Variants in ZMAT1 observed in about 807,000 individuals in gnomAD.
ZMAT1 encodes zinc finger matrin-type 1, also known as zinc finger matrin-type protein 1.
A neutral mutation model predicts 18.5 loss-of-function variants in ZMAT1; 11 were observed. The observed-to-expected ratio is 0.59, with a 90% confidence interval of 0.37 to 0.98. The LOEUF (loss-of-function observed/expected upper bound fraction) is 0.98. ZMAT1 is among the 50% of genes least tolerant of loss of function. ZMAT1 has a pLI of 0.01. For synonymous variants in ZMAT1, 211 were observed against 176.4 expected, an observed-to-expected ratio of 1.20 and a Z score of -1.55; for missense variants, 525 against 496.2, an observed-to-expected ratio of 1.06 and a Z score of -0.55.
intron 5 of ZMAT1, among the ~76,000 whole-genome samples, 186 bp from the exon 6 acceptor site, chrX:101,885,007 G>A (rs1366200338): frequency 9.0e-6 from 1 of 111,499 alleles, no homozygotes; most frequent in African/African-American, 3.3e-5. Flanking sequence ...ACATTGGACA[G>A]TGAGAACCTA....
At chrX:101,930,379 G>A (rs1171112330) in intron 1 of ZMAT1, among the ~76,000 whole-genome samples, 1 of 112,537 alleles carries the variant, frequency 8.9e-6, no homozygotes, top group Non-Finnish European at 1.9e-5. Context: ...ACTTTAGTAA[G>A]AGAGTTGATA....
chrX:101,929,906 T>C (rs867754982), intron 1 of ZMAT1, among the ~76,000 whole-genome samples: 1 of 111,282 alleles, frequency 9.0e-6, no homozygotes, highest in Middle Eastern at 4.2e-3. Flanking sequence ...ATTTCAAAAA[T>C]GTCAAAACCC....
At chrX:101,900,416 A>G (rs1928140252) in intron 2 of ZMAT1, among the ~76,000 whole-genome samples, 1 of 111,851 alleles carries the variant, frequency 8.9e-6, no homozygotes, top group African/African-American at 3.3e-5. Flanking sequence ...GTTATCATCC[A>G]GAATTTTTAT....
At chrX:101,921,735 A>AT (rs1468013373) in intron 1 of ZMAT1, among the ~76,000 whole-genome samples, 1 of 111,464 alleles carries the variant, frequency 9.0e-6, no homozygotes, top group African/African-American at 3.3e-5. Context: ...TGGGGTACTT[A>AT]TTTTTTTAAA....
rs187586047 is a variant in ZMAT1 at position 101,899,696 on chromosome X, C to T, written c.400-1476G>A. On this transcript the variant is annotated intron_variant, in intron 2 of 5. Transcript: ENST00000651725. ...ATATATACCACAGTTTCTTTATCCA[C>T]TCAGTGATTGATGGGCATTTGCGTT... is the stretch of plus-strand genomic sequence containing the variant. Among the ~76,000 whole-genome samples the T allele has an allele frequency of 3.6e-4, 40 of 112,532 alleles. 1 individual carries two copies. The highest frequency in any genetic ancestry group is 2.8e-3 in the East Asian group (10 of 3,599).
At chrX:101,912,149 T>C (rs1929012060) in intron 1 of ZMAT1, 2 of 764,537 alleles carry the variant, frequency 2.6e-6, no homozygotes, top group Non-Finnish European at 3.7e-6. Context: ...GACTCAATCA[T>C]ACACATGAGA....
chrX:101,922,454 T>C (rs773143331), intron 1 of ZMAT1, among the ~76,000 whole-genome samples: 1 of 108,467 alleles, frequency 9.2e-6, no homozygotes, highest in South Asian at 4.1e-4. Context: ...AGTGCAGTGG[T>C]GTGATCTTGG....
intron 1 of ZMAT1, among the ~76,000 whole-genome samples, chrX:101,914,674 A>T (rs1340043064): frequency 9.0e-6 from 1 of 111,469 alleles, no homozygotes; most frequent in Non-Finnish European, 1.9e-5. Context: ...ATTCAGGCCA[A>T]TAACAAGTAA....
At chrX:101,896,765 A>T (rs1002442276) in intron 4 of ZMAT1, among the ~76,000 whole-genome samples, 1 of 111,825 alleles carries the variant, frequency 8.9e-6, no homozygotes, top group Non-Finnish European at 1.9e-5. Flanking sequence ...CATTTACAAA[A>T]ATACAAGTTG....
Position 101,907,892 on chromosome X carries a change from A to G in ZMAT1, c.293-3562T>C, listed in dbSNP as rs1928723613. Among the ~76,000 whole-genome samples, 3 of 111,961 alleles carry G rather than the reference A, an allele frequency of 2.7e-5. No homozygotes were observed. The South Asian group carries it at 1.1e-3, about 41-fold the overall frequency. On this transcript the variant is annotated intron_variant, in intron 1 of 5. Transcript: ENST00000651725. ...AAGAGGAAAAAAAAAGAAAAGAATGAAAAGGAAAAACTAAAACAGAGCAGG... is the reference window on the plus strand; with the variant it reads ...AAGAGGAAAAAAAAAGAAAAGAATGGAAAGGAAAAACTAAAACAGAGCAGG...
chrX:101,903,057 T>C (rs1448171818), intron 2 of ZMAT1, among the ~76,000 whole-genome samples: 1 of 111,778 alleles, frequency 8.9e-6, no homozygotes, highest in African/African-American at 3.2e-5. Flanking sequence ...GACTGAATAG[T>C]GCTTTATGAT....
intron 4 of ZMAT1, among the ~76,000 whole-genome samples, chrX:101,893,800 G>T (rs1927603133): frequency 9.0e-6 from 1 of 110,846 alleles, no homozygotes; most frequent in African/African-American, 3.3e-5. Context: ...AGTGTTATAG[G>T]GATATTCCAG....
rs183223463 is a variant in ZMAT1, at chrX:101,896,293, T to G, written c.676+1575A>C. On this transcript the variant is annotated intron_variant, in intron 4 of 5. Transcript: ENST00000651725. ...TTGTGATGTCTGCATCAGAATAAAA[T>G]CTATGCAGTTGTTTAAGACTATAAA... Among the ~76,000 whole-genome samples, 30 of 112,144 alleles carry G rather than the reference T, an allele frequency of 2.7e-4. 3 individuals are homozygous for G. The highest frequency in any genetic ancestry group is 2.3e-3 in the East Asian group (8 of 3,553).
chrX:101,913,219 C>A (rs1339984593), intron 1 of ZMAT1, among the ~76,000 whole-genome samples: 1 of 111,345 alleles, frequency 9.0e-6, no homozygotes, highest in African/African-American at 3.3e-5. Context: ...GAAATTAAAT[C>A]ATATTATCAG....
chrX:101,907,380 G>A (rs1047257184), intron 1 of ZMAT1, among the ~76,000 whole-genome samples: 6 of 112,629 alleles, frequency 5.3e-5, no homozygotes, highest in South Asian at 7.3e-4. Context: ...GCCAGCAAGC[G>A]TATCAGGGAT....
chrX:101,904,357 A>G lies in ZMAT1; in HGVS notation c.293-27T>C, dbSNP rs747580182. 3 of 1,013,996 alleles carry G rather than the reference A, an allele frequency of 3.0e-6. No individual in the cohort carries two copies. In the Admixed American group the frequency reaches 7.5e-5, roughly 25 times the overall value. 83.6% of individuals were successfully genotyped at this position (1,013,996 alleles called of 1,213,427 possible). A position where few individuals can be genotyped will look rare whatever the true frequency, so the allele number is the denominator to read the frequency against. ...TGTGAATAAAAAAGGGAAGACAAAT[A>G]TATCACATTAATAAATATTTAGAGG... On this transcript the variant is annotated intron_variant, in intron 1 of 5. Transcript: ENST00000651725.
chrX:101,887,595 TA>T (rs1393341804), intron 4 of ZMAT1: 2 of 111,523 alleles, frequency 1.8e-5, no homozygotes, highest in Non-Finnish European at 3.8e-5. Flanking sequence ...AAAAGTGACC[TA>T]ATCATTTCAA....
chrX:101,907,098 GGA>G (rs1280359324), intron 1 of ZMAT1, among the ~76,000 whole-genome samples: 1 of 111,635 alleles, frequency 9.0e-6, no homozygotes, highest in Non-Finnish European at 1.9e-5. Context: ...TAGCCTCCAT[GGA>G]CTCAAGCTCC....
intron 1 of ZMAT1, among the ~76,000 whole-genome samples, chrX:101,913,641 T>C (rs939795170): frequency 3.6e-5 from 4 of 111,379 alleles, no homozygotes; most frequent in Non-Finnish European, 7.6e-5. Flanking sequence ...AGGGAGGACA[T>C]AACAATTTTA....
Sources: gnomAD v4.1 joint callset for allele counts (sites outside exome capture counted in the v4.1 genomes callset) on GRCh38, gnomAD v4.1.1 for gene constraint, MANE v1.5 for transcripts, NCBI Gene and HGNC (gene_info 2026-07-23, HGNC 2026-07-21) for gene names.